Variants in PLEKHA6 observed in about 807,000 individuals in gnomAD.
PLEKHA6 encodes pleckstrin homology domain-containing family A member 6.
A neutral mutation model predicts 116.7 loss-of-function variants in PLEKHA6; 60 were observed. That is an observed-to-expected ratio of 0.51 (90% CI 0.42 to 0.64). PLEKHA6 has a LOEUF of 0.64. PLEKHA6 is among the 30% of genes least tolerant of loss of function. PLEKHA6 has a pLI of 0.00. For missense variants in PLEKHA6, 1,338 were observed against 1,422.7 expected (o/e 0.94, Z 0.96); for synonymous variants, 489 against 556.1 (o/e 0.88, Z 1.70).
intron 21 of PLEKHA6, among the ~76,000 whole-genome samples, chr1:204,226,918 C>T (rs945595605): frequency 2.0e-5 from 3 of 152,220 alleles, no homozygotes; most frequent in Admixed American, 6.5e-5. Context: ...ACCACTACTA[C>T]GGCACGCGAG....
At chr1:204,266,995 G>T (rs1466289161) in intron 5 of PLEKHA6, among the ~76,000 whole-genome samples, 1 of 152,180 alleles carries the variant, frequency 6.6e-6, no homozygotes, top group Non-Finnish European at 1.5e-5. Flanking sequence ...CGACTAAATG[G>T]CAGGTAGTGT....
chr1:204,304,670 C>T (rs1002855801), intron 1 of PLEKHA6, among the ~76,000 whole-genome samples: 1 of 152,060 alleles, frequency 6.6e-6, no homozygotes, highest in Non-Finnish European at 1.5e-5. Flanking sequence ...CTTATTTTAC[C>T]TCAGACTGGT....
At chr1:204,255,376 A>G (rs116022676) in intron 9 of PLEKHA6, among the ~76,000 whole-genome samples, 247 of 152,232 alleles carry the variant, frequency 1.6e-3, no homozygotes, top group African/African-American at 5.7e-3. Context: ...AGCACTGGAG[A>G]AATAAGAGGT....
In PLEKHA6 at chr1:204,221,352, C is replaced by T. The variant is rs191501943; in HGVS notation, c.*1436G>A. The T allele has an allele frequency of 2.0e-5, 3 of 152,780 alleles. No homozygotes were observed. The East Asian group carries it at 5.8e-4, about 29-fold the overall frequency. The allele number at this position is 152,780 out of a possible 1,614,324, so 9.5% of individuals were successfully genotyped here. On this transcript the variant is annotated 3_prime_UTR_variant, in exon 23 of 23. Coordinates refer to ENST00000272203, the MANE Select transcript of PLEKHA6 (RefSeq NM_014935.5). ...TGAAGCCTCTGAGCGGCAACTCTAG[C>T]AGAGAGAAGGCCGAGGGGCCACGGT...
chr1:204,274,979 G>A, intron 1 of PLEKHA6, 170 bp from the exon 2 acceptor site: 1 of 886,706 alleles, frequency 1.1e-6, no homozygotes, highest in Non-Finnish European at 1.3e-6. Flanking sequence ...CTGGATGAGG[G>A]TGGGGGCGGG....
chr1:204,332,949 C>T (rs949098225), intron 1 of PLEKHA6, among the ~76,000 whole-genome samples: 54 of 152,324 alleles, frequency 3.5e-4, no homozygotes, highest in African/African-American at 1.2e-3. Context: ...GTAGAAAAGA[C>T]GCTCTATAAA....
In PLEKHA6 at chr1:204,317,489, A is replaced by G. The variant is rs541603207; in HGVS notation, c.-95+42205T>C. Among the ~76,000 whole-genome samples the G allele has an allele frequency of 2.6e-5, 4 of 152,302 alleles. No individual in the cohort carries two copies. In the East Asian group the frequency reaches 7.7e-4, roughly 29 times the overall value. On this transcript the variant is annotated intron_variant, in intron 1 of 22. Transcript: ENST00000272203. ...TTTTCTTTAGAACCTCACATCTAGG[A>G]ACAGGAGGCACCTTCTCATCCATCT...
chr1:204,326,446 C>G (rs899690147), intron 1 of PLEKHA6, among the ~76,000 whole-genome samples: 1 of 152,240 alleles, frequency 6.6e-6, no homozygotes, highest in African/African-American at 2.4e-5. Flanking sequence ...CACAGATAGA[C>G]AGAGGCTTCC....
intron 17 of PLEKHA6, among the ~76,000 whole-genome samples, chr1:204,234,369 A>G (rs1661644902): frequency 6.6e-6 from 1 of 152,134 alleles, no homozygotes. Context: ...AGCCTCCACA[A>G]CTGTGACAGA....
intron 6 of PLEKHA6, among the ~76,000 whole-genome samples, chr1:204,263,824 C>T (rs1666448907): frequency 6.6e-6 from 1 of 152,084 alleles, no homozygotes; most frequent in Non-Finnish European, 1.5e-5. Flanking sequence ...CCAGCTAGAA[C>T]TGGCTCCCTG....
chr1:204,308,164 T>C (rs16853263), intron 1 of PLEKHA6, among the ~76,000 whole-genome samples: 12,399 of 152,210 alleles, frequency 0.081, 1,089 homozygotes, highest in African/African-American at 0.22. Context: ...ATTTTGCAGA[T>C]AAGAGAGCTG....
intron 1 of PLEKHA6, chr1:204,282,833 A>G: frequency 1.0e-6 from 1 of 984,038 alleles, no homozygotes; most frequent in Non-Finnish European, 1.2e-6. Flanking sequence ...TCAAAGGAGA[A>G]CCAGCTGCCT....
intron 8 of PLEKHA6, among the ~76,000 whole-genome samples, chr1:204,258,077 A>G (rs1028656012): frequency 3.3e-5 from 5 of 152,192 alleles, no homozygotes; most frequent in African/African-American, 1.2e-4. Context: ...TGCACCATTC[A>G]GAGCTTCAAT....
intron 1 of PLEKHA6, among the ~76,000 whole-genome samples, chr1:204,290,021 T>A (rs1210049801): frequency 2.6e-5 from 4 of 152,178 alleles, no homozygotes; most frequent in Non-Finnish European, 5.9e-5. Flanking sequence ...TATAAAACAT[T>A]GCTGAAAGAA....
rs999092735 is a variant in PLEKHA6 at position 204,223,704 on chromosome 1, A to G, written c.3032-119T>C. 9.6e-6 allele frequency: 6 copies of G among 624,634 alleles called. No individual in the cohort carries two copies. Among genetic ancestry groups the G allele is most frequent in the Admixed American group, 5.6e-5 (2 of 36,036 alleles). 38.7% of individuals were successfully genotyped at this position (624,634 alleles called of 1,614,324 possible). A position where few individuals can be genotyped will look rare whatever the true frequency, so the allele number is the denominator to read the frequency against. On this transcript the variant is annotated intron_variant, in intron 21 of 22. Coordinates refer to ENST00000272203, the MANE Select transcript of PLEKHA6 (RefSeq NM_014935.5). This position sits in a 1 kb window ranked among gnomAD's most constrained non-coding sequence, Gnocchi z 4.8. ...GAGGCAGGGAGGCAAGCGAAGAGAG[A>G]GCACTGAGCTTGGAGCTTGCTCAAG...
At chr1:204,284,303 C>T (rs1490359097) in intron 1 of PLEKHA6, among the ~76,000 whole-genome samples, 1 of 152,172 alleles carries the variant, frequency 6.6e-6, no homozygotes, top group Non-Finnish European at 1.5e-5. Context: ...TCCTCACCTG[C>T]CCAGGGAGAC....
intron 1 of PLEKHA6, among the ~76,000 whole-genome samples, chr1:204,322,856 A>G (rs990209431): frequency 3.3e-5 from 5 of 152,146 alleles, no homozygotes; most frequent in African/African-American, 1.2e-4. Context: ...AACTGGCCCT[A>G]CGCATTTTGC....
chr1:204,347,263 G>C lies in PLEKHA6; in HGVS notation c.-95+12431C>G, dbSNP rs560242442. 158 of 991,594 alleles carry C rather than the reference G, an allele frequency of 1.6e-4. No individual in the cohort carries two copies. The African/African-American group carries it at 2.5e-3, about 16-fold the overall frequency. 61.4% of individuals were successfully genotyped at this position (991,594 alleles called of 1,614,324 possible). A position where few individuals can be genotyped will look rare whatever the true frequency, so the allele number is the denominator to read the frequency against. On this transcript the variant is annotated intron_variant, in intron 1 of 22. Transcript: ENST00000272203. Reference sequence around the variant, plus strand: ...CTTTCCCTTTGTATTCGTCATTTTGGCGAATTACTGGAAGATGGCAGTTAT... The same window carrying C: ...CTTTCCCTTTGTATTCGTCATTTTGCCGAATTACTGGAAGATGGCAGTTAT...
chr1:204,245,074 A>C lies in PLEKHA6; in HGVS notation c.2033-71T>G. 2.8e-6 allele frequency: 3 copies of C among 1,085,088 alleles called. No individual in the cohort carries two copies. The South Asian group carries it at 6.1e-5, about 22-fold the overall frequency. 67.2% of individuals were successfully genotyped at this position (1,085,088 alleles called of 1,614,324 possible). On this transcript the variant is annotated intron_variant, in intron 14 of 22. Coordinates refer to ENST00000272203, the MANE Select transcript of PLEKHA6 (RefSeq NM_014935.5). ...GCCTGGTGGGTAGATGGGCACTGTG[A>C]GTGGAGGTGGCAGGGAGAAGCCAGA...
Sources: allele counts gnomAD v4.1 joint callset (sites outside exome capture counted in the v4.1 genomes callset), GRCh38; gene constraint gnomAD v4.1.1; non-coding constraint Gnocchi (gnomAD v3.1); transcripts MANE v1.5; gene names NCBI Gene and HGNC (gene_info 2026-07-23, HGNC 2026-07-21).